ADGRL2: variants seen among roughly 807,000 people sequenced by gnomAD.
ADGRL2 encodes the protein calcium-independent alpha-latrotoxin receptor 2.
A neutral mutation model predicts 157.4 loss-of-function variants in ADGRL2; 44 were observed. The observed-to-expected ratio is 0.28, with a 90% confidence interval of 0.22 to 0.36. The LOEUF (loss-of-function observed/expected upper bound fraction) is 0.36. ADGRL2 is among the 10% of genes least tolerant of loss of function. ADGRL2 has a pLI of 1.00. For missense variants in ADGRL2, 1,510 were observed against 1,768.9 expected (o/e 0.85, Z 2.63); for synonymous variants, 585 against 624.7 (o/e 0.94, Z 0.95).
chr1:81,489,598 A>C (rs1387079035), intron 2 of ADGRL2, among the ~76,000 whole-genome samples: 3 of 138,954 alleles, frequency 2.2e-5, no homozygotes, highest in African/African-American at 3.2e-5. Flanking sequence ...AAAGACATGA[A>C]TTTGTACATC....
intron 1 of ADGRL2, among the ~76,000 whole-genome samples, chr1:81,810,938 G>A (rs905161547): frequency 1.3e-5 from 2 of 151,844 alleles, no homozygotes; most frequent in African/African-American, 2.4e-5. Context: ...AGAAGACAAT[G>A]TTTGAATATT....
At chr1:81,902,862 T>C (rs148069060) in intron 2 of ADGRL2, among the ~76,000 whole-genome samples, 1,714 of 152,346 alleles carry the variant, frequency 0.011, 27 homozygotes, top group South Asian at 0.06. Flanking sequence ...CTCTGCTTAG[T>C]TTGTCACATG....
intron 2 of ADGRL2, among the ~76,000 whole-genome samples, chr1:81,495,426 A>G (rs944452638): frequency 7.9e-5 from 12 of 152,206 alleles, no homozygotes; most frequent in Admixed American, 1.3e-4. Context: ...CAAGTTTGTC[A>G]GTAATTAGTA....
intron 2 of ADGRL2, among the ~76,000 whole-genome samples, chr1:81,874,737 G>T (rs1163800181): frequency 1.3e-5 from 2 of 150,700 alleles, no homozygotes; most frequent in African/African-American, 4.9e-5. Context: ...ATGGAGTCTT[G>T]CTCTGTACCC....
Position 81,943,336 on chromosome 1 carries a change from A to G in ADGRL2, c.777A>G (p.Pro259=), listed in dbSNP as rs765365131. The G allele has an allele frequency of 6.2e-7, 1 of 1,613,678 alleles. No individual in the cohort carries two copies. The highest frequency in any genetic ancestry group is 1.1e-5 in the South Asian group (1 of 91,076). ...INYANYHDTS[P]YRWGGKTDID... ...ATGCCAACTACCATGATACCTCACC[A>G]TACAGATGGGGAGGAAAGACTGATA... Residue 259 remains proline, a synonymous_variant, in exon 6 of 24, where the codon CCA becomes CCG. Coordinates refer to ENST00000686636, the MANE Select transcript of ADGRL2 (RefSeq NM_001366006.2). The surrounding 1 kb of genome is among the most constrained non-coding windows in gnomAD (Gnocchi z 5.6).
At chr1:81,950,115 C>T (rs1327746757) in intron 6 of ADGRL2, 74 bp from the exon 7 acceptor site, 1 of 1,254,656 alleles carries the variant, frequency 8.0e-7, no homozygotes, top group Non-Finnish European at 1.1e-6. Flanking sequence ...TGCATGCACA[C>T]ATTCCATGTG....
intron 1 of ADGRL2, among the ~76,000 whole-genome samples, chr1:81,416,321 A>AAG (rs2077033664): frequency 6.6e-6 from 1 of 150,980 alleles, no homozygotes; most frequent in Admixed American, 6.6e-5. Flanking sequence ...TCTTGCAAAA[A>AAG]AAAAAAGAAA....
intron 2 of ADGRL2, among the ~76,000 whole-genome samples, chr1:81,888,110 A>C (rs2094169988): frequency 6.6e-6 from 1 of 152,190 alleles, no homozygotes. Flanking sequence ...AGAACGATGA[A>C]AGTAGTAATG....
chr1:81,538,267 G>A (rs984023077), intron 2 of ADGRL2, among the ~76,000 whole-genome samples: 14 of 152,004 alleles, frequency 9.2e-5, no homozygotes, highest in African/African-American at 2.9e-4. Flanking sequence ...TCCCACTCAC[G>A]TAATAGTTTG....
At position 81,477,454 on chromosome 1, in the gene ADGRL2, T is replaced by G. The variant is rs67671286; in HGVS notation, c.-248+32365T>G. Among the ~76,000 whole-genome samples the G allele has an allele frequency of 3.9e-5, 6 of 152,230 alleles. No homozygotes were observed. The South Asian group carries it at 8.3e-4, about 21-fold the overall frequency. On this transcript the variant is annotated intron_variant, in intron 2 of 24. Transcript: ENST00000370721. The stretch of plus-strand genomic sequence containing the variant: ...ATTACATGAATATAGATTTCTGTCA[T>G]TTTATCAAATAACTTCTTAAGAGAC...
At chr1:81,364,114 AC>A (rs941437990) in intron 1 of ADGRL2, among the ~76,000 whole-genome samples, 19 of 151,742 alleles carry the variant, frequency 1.3e-4, no homozygotes, top group Non-Finnish European at 1.9e-4. Flanking sequence ...ACTCCCCCTT[AC>A]CCCCACTCTA....
At chr1:81,638,907 G>C (rs1033922052) in intron 3 of ADGRL2, among the ~76,000 whole-genome samples, 1 of 152,198 alleles carries the variant, frequency 6.6e-6, no homozygotes, top group Non-Finnish European at 1.5e-5. Flanking sequence ...GGGGAGCTGA[G>C]GTGAGAGGAT....
intron 1 of ADGRL2, among the ~76,000 whole-genome samples, chr1:81,364,289 T>C (rs2076026856): frequency 6.6e-6 from 1 of 152,166 alleles, no homozygotes; most frequent in Admixed American, 6.5e-5. Context: ...CCATTTGTGT[T>C]ATGACCAATT....
At chr1:81,721,700 C>A in intron 1 of ADGRL2, 1 of 1,349,624 alleles carries the variant, frequency 7.4e-7, no homozygotes, top group Non-Finnish European at 1.0e-6. Context: ...ACCATGGACC[C>A]CCCGCAAAGT....
At chr1:81,809,398 A>G (rs913026976) in intron 1 of ADGRL2, among the ~76,000 whole-genome samples, 1 of 152,008 alleles carries the variant, frequency 6.6e-6, no homozygotes, top group Non-Finnish European at 1.5e-5. Context: ...AGTAACATTT[A>G]TATATATTTT....
intron 16 of ADGRL2, among the ~76,000 whole-genome samples, chr1:81,971,366 A>AG (rs1247044291): frequency 6.6e-6 from 1 of 152,098 alleles, no homozygotes; most frequent in Non-Finnish European, 1.5e-5. Context: ...TTCCTAGTGG[A>AG]GGTATTATAT....
chr1:81,417,463 A>T (rs2077052206), intron 1 of ADGRL2, among the ~76,000 whole-genome samples: 1 of 152,132 alleles, frequency 6.6e-6, no homozygotes, highest in African/African-American at 2.4e-5. Flanking sequence ...ATGATTTTAG[A>T]GAATAGTAAG....
chr1:81,529,015 A>G lies in ADGRL2; in HGVS notation c.-247-51861A>G, dbSNP rs190050627. Among the ~76,000 whole-genome samples the G allele has an allele frequency of 1.5e-4, 23 of 152,338 alleles. No individual in the cohort carries two copies. The East Asian group carries it at 2.9e-3, about 19-fold the overall frequency. On this transcript the variant is annotated intron_variant, in intron 2 of 24. Transcript: ENST00000370721. The stretch of plus-strand genomic sequence containing the variant: ...AAGAGCACATGGAGCCAAAAGTAAA[A>G]CCTAAATGTTGCTAGAAAAGGTGAA...
chr1:81,541,787 T>TA (rs60783998), intron 2 of ADGRL2, among the ~76,000 whole-genome samples: 14,072 of 133,982 alleles, frequency 0.11, 814 homozygotes, highest in Non-Finnish European at 0.13. Context: ...CCGTCTCTAC[T>TA]AAAAAAAAAA....
Sources: allele counts gnomAD v4.1 joint callset (sites outside exome capture counted in the v4.1 genomes callset), GRCh38; gene constraint gnomAD v4.1.1; non-coding constraint Gnocchi (gnomAD v3.1); transcripts MANE v1.5; gene names NCBI Gene and HGNC (gene_info 2026-07-23, HGNC 2026-07-21).